The following PRUNE2 variants were observed in gnomAD, a reference collection of about 807,000 sequenced individuals.
The protein encoded by PRUNE2 is prune homolog 2 with BCH domain, also known as protein prune homolog 2.
Under a neutral mutation model 252.0 loss-of-function variants are expected in PRUNE2, and 164 were observed. The observed-to-expected ratio is 0.65, with a 90% CI of 0.57 to 0.74. The LOEUF is 0.74. Among genes scored for constraint, PRUNE2 ranks in the 30% least tolerant of loss-of-function variants. The probability of loss-of-function intolerance (pLI) is 0.00; values close to 1 mark genes in which losing one functional copy is unlikely to be tolerated. For missense variants in PRUNE2, 3,495 were observed against 3,711.0 expected (o/e 0.94, Z 1.51); for synonymous variants, 1,292 against 1,350.2 (o/e 0.96, Z 0.94).
At chr9:76,640,649 G>C (rs191452845) in intron 12 of PRUNE2, among the ~76,000 whole-genome samples, 61 of 152,276 alleles carry the variant, frequency 4.0e-4, no homozygotes, top group Admixed American at 3.6e-3. Flanking sequence ...AAAATGGCAG[G>C]AGGAGACATA....
intron 6 of PRUNE2, among the ~76,000 whole-genome samples, chr9:76,726,579 A>C (rs1407534718): frequency 6.6e-6 from 1 of 152,238 alleles, no homozygotes; most frequent in African/African-American, 2.4e-5. Context: ...GCTCCAATTA[A>C]GGAGGGTATT....
intron 18 of PRUNE2, 73 bp downstream of exon 18, chr9:76,619,267 G>T (rs1831062797): frequency 1.0e-6 from 1 of 978,040 alleles, no homozygotes; most frequent in Non-Finnish European, 1.6e-6. Flanking sequence ...AGTCCTCAGT[G>T]TGTTTTCTTT....
chr9:76,635,035 T>C (rs1465410173), intron 15 of PRUNE2, among the ~76,000 whole-genome samples: 1 of 152,124 alleles, frequency 6.6e-6, no homozygotes, highest in Admixed American at 6.5e-5. Flanking sequence ...TGCAGTGGTG[T>C]GATCTTGCCT....
chr9:76,705,111 G>A lies in PRUNE2; in HGVS notation c.7163C>T (p.Ser2388Leu), dbSNP rs751092635. The change falls in exon 8 of 19, where the codon TCG becomes TTG. Residue 2388 changes from serine to leucine, a missense_variant. Transcript: ENST00000376718. Reference protein sequence around the residue: ...PPLEEDSLKQSLAPYTPPFDL... With the variant: ...PPLEEDSLKQLLAPYTPPFDL... ...AAAGGGAGGTGTGTACGGTGCCAGCGACTGCTTCAGAGAATCTTCCTCCAA... is the reference window on the plus strand; with the variant it reads ...AAAGGGAGGTGTGTACGGTGCCAGCAACTGCTTCAGAGAATCTTCCTCCAA... 10 of 1,613,870 alleles carry A rather than the reference G, an allele frequency of 6.2e-6. No homozygotes were observed. The highest frequency in any genetic ancestry group is 1.1e-5 in the South Asian group (1 of 91,078).
chr9:76,749,333 C>T (rs867058411), intron 6 of PRUNE2, among the ~76,000 whole-genome samples: 11 of 152,174 alleles, frequency 7.2e-5, no homozygotes, highest in African/African-American at 2.2e-4. Context: ...AAAGTGCAGA[C>T]GTTAACATTC....
intron 1 of PRUNE2, among the ~76,000 whole-genome samples, chr9:76,894,102 A>G (rs2062662050): frequency 6.6e-6 from 1 of 152,214 alleles, no homozygotes. Flanking sequence ...AGAAAAAACG[A>G]GTTCTCTCAA....
intron 1 of PRUNE2, among the ~76,000 whole-genome samples, chr9:76,861,703 A>G (rs1409887828): frequency 6.6e-6 from 1 of 152,006 alleles, no homozygotes; most frequent in African/African-American, 2.4e-5. Flanking sequence ...GACCTCAAAT[A>G]TCATTTATAT....
intron 9 of PRUNE2, among the ~76,000 whole-genome samples, chr9:76,702,344 C>G (rs1305409046): frequency 6.6e-6 from 1 of 152,142 alleles, no homozygotes; most frequent in Non-Finnish European, 1.5e-5. Flanking sequence ...AGGTATGAAC[C>G]ACCGCACCTG....
intron 6 of PRUNE2, among the ~76,000 whole-genome samples, chr9:76,783,348 GC>G (rs2054627920): frequency 6.6e-6 from 1 of 152,064 alleles, no homozygotes; most frequent in African/African-American, 2.4e-5. Flanking sequence ...TATTGGCCAG[GC>G]TGGTCTTGAA....
At chr9:76,619,258 G>C in intron 18 of PRUNE2, 82 bp downstream of exon 18, 1 of 900,926 alleles carries the variant, frequency 1.1e-6, no homozygotes, top group African/African-American at 1.6e-5. Context: ...GGTTTACCCA[G>C]TCCTCAGTGT....
At chr9:76,641,751 G>C (rs1842678447) in intron 12 of PRUNE2, among the ~76,000 whole-genome samples, 1 of 151,838 alleles carries the variant, frequency 6.6e-6, no homozygotes, top group Non-Finnish European at 1.5e-5. Context: ...CCCCCCAGGA[G>C]TCTCCTGAGA....
At position 76,709,667 on chromosome 9, in the gene PRUNE2, G is replaced by T. The variant is rs994554277; in HGVS notation, c.2607C>A (p.Asn869Lys). Residue 869 changes from asparagine to lysine, a missense_variant, in exon 8 of 19, where the codon AAC becomes AAA. Coordinates refer to ENST00000376718, the MANE Select transcript of PRUNE2 (RefSeq NM_015225.3). Reference sequence around the variant, plus strand: ...CAAAGATGTGATCCCTGGAGTCATTGTTTTTCTTGCCCCAGATTTCTGGAG... The same window carrying T: ...CAAAGATGTGATCCCTGGAGTCATTTTTTTTCTTGCCCCAGATTTCTGGAG... Reference protein sequence around the residue: ...EAAPEIWGKKNNDSRDHIFAP... With the variant: ...EAAPEIWGKKKNDSRDHIFAP... The T allele has an allele frequency of 1.2e-6, 2 of 1,613,978 alleles. No homozygotes were observed. Among genetic ancestry groups the T allele is most frequent in the African/African-American group, 2.7e-5 (2 of 75,020 alleles).
chr9:76,723,490 TTTTGG>T (rs1342098089), intron 6 of PRUNE2, among the ~76,000 whole-genome samples: 1 of 152,140 alleles, frequency 6.6e-6, no homozygotes, highest in Non-Finnish European at 1.5e-5. Flanking sequence ...AGGGGCTTAG[TTTTGG>T]TTTGGTTTGG....
chr9:76,882,805 G>A (rs553537828), intron 1 of PRUNE2, among the ~76,000 whole-genome samples: 1 of 152,130 alleles, frequency 6.6e-6, no homozygotes, highest in African/African-American at 2.4e-5. Flanking sequence ...CACGAAATTG[G>A]TGGGGACACA....
chr9:76,884,514 G>T (rs1352984227), intron 1 of PRUNE2, among the ~76,000 whole-genome samples: 1 of 152,180 alleles, frequency 6.6e-6, no homozygotes, highest in African/African-American at 2.4e-5. Flanking sequence ...AAGACTTAGA[G>T]ATTAAATCAT....
chr9:76,854,055 G>A (rs2060107886), intron 2 of PRUNE2, 49 bp downstream of exon 2: 1 of 917,930 alleles, frequency 1.1e-6, no homozygotes, highest in Non-Finnish European at 1.7e-6. Context: ...ATTCTTAAAA[G>A]TTACATAATA....
At chr9:76,828,909 C>T (rs964077904) in intron 4 of PRUNE2, among the ~76,000 whole-genome samples, 2 of 148,362 alleles carry the variant, frequency 1.3e-5, no homozygotes, top group African/African-American at 5.0e-5. Flanking sequence ...CCCAGCTACT[C>T]GGGAGGCTGA....
At chr9:76,704,681 GA>G in intron 8 of PRUNE2, 79 bp downstream of exon 8, 1 of 984,590 alleles carries the variant, frequency 1.0e-6, no homozygotes, top group Non-Finnish European at 1.5e-6. Context: ...TCATTGGTAG[GA>G]AGAGTGTGTC....
At chr9:76,863,856 A>T (rs940583174) in intron 1 of PRUNE2, among the ~76,000 whole-genome samples, 9 of 152,266 alleles carry the variant, frequency 5.9e-5, no homozygotes, top group African/African-American at 2.2e-4. Flanking sequence ...AATGTAAATT[A>T]GTTCAGCCAC....
Sources: allele counts gnomAD v4.1 joint callset (sites outside exome capture counted in the v4.1 genomes callset), GRCh38; gene constraint gnomAD v4.1.1; transcripts MANE v1.5; gene names NCBI Gene and HGNC (gene_info 2026-07-23, HGNC 2026-07-21).